AFF3: variants seen among roughly 807,000 people sequenced by gnomAD.
AFF3 encodes the protein ALF transcription elongation factor 3, also known as AF4/FMR2 family member 3.
A neutral mutation model predicts 129.7 loss-of-function variants in AFF3; 32 were observed. That is an observed-to-expected ratio of 0.25 (90% CI 0.19 to 0.33). The LOEUF is 0.33. Among genes scored for constraint, AFF3 ranks in the 10% least tolerant of loss-of-function variants. The pLI is 1.00. For missense variants in AFF3, 1,373 were observed against 1,592.0 expected (o/e 0.86, Z 2.34); for synonymous variants, 644 against 635.4 (o/e 1.01, Z -0.20).
chr2:100,113,182 G>A (rs1691585938), intron 2 of AFF3, among the ~76,000 whole-genome samples: 1 of 152,126 alleles, frequency 6.6e-6, no homozygotes, highest in South Asian at 2.1e-4. Flanking sequence ...GATCACATAA[G>A]TCATTTCAGA....
At chr2:99,997,129 T>G (rs1026822145) in intron 7 of AFF3, among the ~76,000 whole-genome samples, 1 of 152,096 alleles carries the variant, frequency 6.6e-6, no homozygotes, top group African/African-American at 2.4e-5. Context: ...GTCACGTGTA[T>G]GCTCACAACT....
chr2:99,849,852 G>A (rs981566064), intron 7 of AFF3, among the ~76,000 whole-genome samples: 1 of 152,080 alleles, frequency 6.6e-6, no homozygotes, highest in Non-Finnish European at 1.5e-5. Context: ...ATAGCTGGAC[G>A]GACTGGTAGC....
At chr2:99,944,479 CAG>C (rs1451813881) in intron 7 of AFF3, among the ~76,000 whole-genome samples, 1 of 152,206 alleles carries the variant, frequency 6.6e-6, no homozygotes, top group Non-Finnish European at 1.5e-5. Flanking sequence ...TTCAGAAACA[CAG>C]AGGTTGGTCA....
At chr2:99,908,939 T>G (rs1208526070) in intron 7 of AFF3, among the ~76,000 whole-genome samples, 5 of 152,152 alleles carry the variant, frequency 3.3e-5, no homozygotes, top group African/African-American at 1.2e-4. Context: ...GATCTAGAAC[T>G]AGATCTAGAA....
intron 4 of AFF3, among the ~76,000 whole-genome samples, chr2:100,057,095 T>G (rs1359429184): frequency 1.3e-5 from 2 of 151,964 alleles, no homozygotes; most frequent in South Asian, 2.1e-4. Flanking sequence ...CCAAGACGGG[T>G]GGATCACCTG....
intron 24 of AFF3, 29 bp from the exon 25 acceptor site, chr2:99,551,624 T>C: frequency 6.2e-7 from 1 of 1,613,564 alleles, no homozygotes; most frequent in Non-Finnish European, 8.5e-7. Context: ...TTGTTAAGAA[T>C]GCCACACATG....
At position 99,838,787 on chromosome 2, in the gene AFF3, T is replaced by G. The variant is rs1234560531; in HGVS notation, c.874-1263A>C. Reference sequence around the variant, plus strand: ...TTACTTCCTGCAGTTCTGAGGGGCATGAGGCTCATCAGAATCAGCACTAGG... The same window carrying G: ...TTACTTCCTGCAGTTCTGAGGGGCAGGAGGCTCATCAGAATCAGCACTAGG... On this transcript the variant is annotated intron_variant, in intron 7 of 24. Transcript: ENST00000672756. Among the ~76,000 whole-genome samples the G allele has an allele frequency of 5.9e-5, 9 of 152,184 alleles. 1 individual carries two copies. Among genetic ancestry groups the G allele is most frequent in the Admixed American group, 5.9e-4 (9 of 15,286 alleles).
At chr2:99,966,327 T>C (rs1020322041) in intron 7 of AFF3, among the ~76,000 whole-genome samples, 1 of 152,206 alleles carries the variant, frequency 6.6e-6, no homozygotes, top group Admixed American at 6.5e-5. Context: ...TAAAGGGTCA[T>C]TTGTTATTCA....
At chr2:99,807,967 C>G (rs186434385) in intron 8 of AFF3, among the ~76,000 whole-genome samples, 5 of 152,304 alleles carry the variant, frequency 3.3e-5, no homozygotes, top group Admixed American at 3.3e-4. Context: ...GCCTGTCAAT[C>G]TCATCTGTTC....
At position 99,719,273 on chromosome 2, in the gene AFF3, C is replaced by G. The variant is rs142547152; in HGVS notation, c.1091+7804G>C. Among the ~76,000 whole-genome samples, 59 of 152,122 alleles carry G rather than the reference C, an allele frequency of 3.9e-4. 1 individual carries two copies. The highest frequency in any genetic ancestry group is 1.4e-3 in the African/African-American group (59 of 41,510). On this transcript the variant is annotated intron_variant, in intron 11 of 24. Coordinates refer to ENST00000672756, the MANE Select transcript of AFF3 (RefSeq NM_001386135.1). The stretch of plus-strand genomic sequence containing the variant: ...AAGTGATTTTCTAATGGTAAACCAA[C>G]CATGCACTCCTGTGATAAATCCTGC...
chr2:100,059,254 CAAAAAAAA>C (rs59005550), intron 4 of AFF3, among the ~76,000 whole-genome samples: 4 of 31,022 alleles, frequency 1.3e-4, no homozygotes, highest in African/African-American at 6.1e-4. Flanking sequence ...ACTCTGTCTC[CAAAAAAAA>C]AAAAAAAAAA....
chr2:100,007,343 G>C lies in AFF3; in HGVS notation c.292C>G (p.Pro98Ala). ...TTCACAGGAGTCTGAGGAACCCCAG[G>C]TTTGGGAACTCCAACGAGATGACTC... ...NQSHLVGVPK[P>A]GVPQTPVNKI... The change falls in exon 6 of 25, where the codon CCT becomes GCT. Residue 98 changes from proline to alanine, a missense_variant. Pro to Ala is a conservative substitution (Grantham distance 27). Transcript: ENST00000672756. The C allele has an allele frequency of 6.2e-7, 1 of 1,614,136 alleles. No individual in the cohort carries two copies. Among genetic ancestry groups the C allele is most frequent in the Non-Finnish European group, 8.5e-7 (1 of 1,180,018 alleles).
chr2:99,736,285 C>T (rs1680248896), intron 10 of AFF3, among the ~76,000 whole-genome samples: 2 of 152,134 alleles, frequency 1.3e-5, no homozygotes, highest in Non-Finnish European at 2.9e-5. Context: ...TGAAGCTTTG[C>T]TATTTGGAAT....
chr2:99,777,947 CAAAAAAAAAAAAAA>C (rs576434643), intron 8 of AFF3, among the ~76,000 whole-genome samples: 19 of 48,342 alleles, frequency 3.9e-4, no homozygotes, highest in Non-Finnish European at 6.8e-4. Context: ...AAAGCAAAAG[CAAAAAAAAAAAAAA>C]AAAAAAAAAA....
At chr2:99,637,389 T>A (rs1683763264) in intron 13 of AFF3, among the ~76,000 whole-genome samples, 1 of 152,250 alleles carries the variant, frequency 6.6e-6, no homozygotes, top group Non-Finnish European at 1.5e-5. Context: ...GTGGCACCTG[T>A]GTTCAGAAAC....
chr2:99,903,843 C>T lies in AFF3; in HGVS notation c.874-66319G>A, dbSNP rs193180026. On this transcript the variant is annotated intron_variant, in intron 7 of 24. Coordinates refer to ENST00000672756, the MANE Select transcript of AFF3 (RefSeq NM_001386135.1). ...GCTGATGCTGCCAATTACGAACCTT[C>T]TTCCTAAATACATTACAGGAAGTCC... Among the ~76,000 whole-genome samples, 6 of 152,224 alleles carry T rather than the reference C, an allele frequency of 3.9e-5. No homozygotes were observed. In the East Asian group the frequency reaches 1.2e-3, roughly 29 times the overall value.
chr2:99,591,607 G>A (rs1463725848), intron 15 of AFF3, among the ~76,000 whole-genome samples: 3 of 152,200 alleles, frequency 2.0e-5, no homozygotes, highest in Non-Finnish European at 4.4e-5. Context: ...TATATTCATC[G>A]TGGCCAGGAC....
chr2:100,053,951 C>G (rs1020502536), intron 4 of AFF3, among the ~76,000 whole-genome samples: 7 of 152,190 alleles, frequency 4.6e-5, no homozygotes, highest in African/African-American at 1.4e-4. Flanking sequence ...AGGCAATGGT[C>G]TCTTCAAAAT....
rs2104433957 is a variant in AFF3 at position 99,548,687 on chromosome 2, G to T, written c.*2787C>A. 4.5e-6 allele frequency: 1 copy of T among 223,706 alleles called. No homozygotes were observed. Among genetic ancestry groups the T allele is most frequent in the East Asian group, 6.5e-5 (1 of 15,434 alleles). 13.9% of individuals were successfully genotyped at this position (223,706 alleles called of 1,614,324 possible). A position where few individuals can be genotyped will look rare whatever the true frequency, so the allele number is the denominator to read the frequency against. On this transcript the variant is annotated 3_prime_UTR_variant, in exon 25 of 25. Transcript: ENST00000672756. ...GAGCCCAGGAGTTTGAGGCTGCAGG[G>T]AGCCATGATCGCGCCACCGCATTCC...
Sources: gnomAD v4.1 joint callset for allele counts (sites outside exome capture counted in the v4.1 genomes callset) on GRCh38, gnomAD v4.1.1 for gene constraint, MANE v1.5 for transcripts, NCBI Gene and HGNC (gene_info 2026-07-23, HGNC 2026-07-21) for gene names.